The following CAST variants were observed in gnomAD, a reference collection of about 807,000 sequenced individuals.
CAST encodes calpastatin, also known as MIR583 host.
A neutral mutation model predicts 119.6 loss-of-function variants in CAST; 76 were observed. The observed-to-expected ratio is 0.64, with a 90% confidence interval of 0.53 to 0.77. The LOEUF (loss-of-function observed/expected upper bound fraction) is 0.77, where lower values mean the gene tolerates loss of function less well. Ranked by LOEUF, CAST falls within the 30% of genes least tolerant of loss-of-function variation. CAST has a pLI of 0.00. For missense variants in CAST, 953 were observed against 946.5 expected (o/e 1.01, Z -0.09); for synonymous variants, 319 against 331.6 (o/e 0.96, Z 0.41).
At chr5:96,742,822 G>C in intron 16 of CAST, 66 bp downstream of exon 16, 2 of 1,070,698 alleles carry the variant, frequency 1.9e-6, no homozygotes, top group African/African-American at 1.6e-5. Context: ...AATGCACTCT[G>C]CATGTTTAGA....
the CAST span, chr5:95,965,347 T>A: frequency 1.3e-5 from 2 of 152,206 alleles, no homozygotes; most frequent in Non-Finnish European, 2.9e-5. Context: ...ACTAAAAAAG[T>A]TTTAGGCCAA....
At chr5:96,553,065 C>T (rs570488650) in intron 1 of CAST, among the ~76,000 whole-genome samples, 4 of 152,272 alleles carry the variant, frequency 2.6e-5, no homozygotes, top group African/African-American at 9.6e-5. Flanking sequence ...TTTTATGAGG[C>T]CAGCATCATC....
At chr5:96,090,333 G>A in the CAST span, among the ~76,000 whole-genome samples, 1 of 152,124 alleles carries the variant, frequency 6.6e-6, no homozygotes, top group Non-Finnish European at 1.5e-5. Context: ...GTACCACAAA[G>A]CAAATAAACA....
rs147363163 is a variant in CAST, at chr5:96,732,627, A to G, written c.630+1767A>G. ...GCCTAGGTTTTCTTCTAGGGTTTTT[A>G]TGGTTTTAGGTCTAACGTCTGATCT... On this transcript the variant is annotated intron_variant, in intron 9 of 31. Coordinates refer to ENST00000675179, the MANE Select transcript of CAST (RefSeq NM_001750.7). 6.1e-3 allele frequency among the ~76,000 whole-genome samples: 931 copies of G among 152,086 alleles called. 10 individuals are homozygous for G. The highest frequency in any genetic ancestry group is 0.021 in the African/African-American group (881 of 41,448).
intron 1 of CAST, among the ~76,000 whole-genome samples, chr5:96,618,073 T>C (rs1747505523): frequency 6.6e-6 from 1 of 152,096 alleles, no homozygotes; most frequent in Admixed American, 6.6e-5. Context: ...GGAGCTTGGC[T>C]TAGAATGGGA....
At chr5:96,158,779 T>G in the CAST span, among the ~76,000 whole-genome samples, 3 of 152,170 alleles carry the variant, frequency 2.0e-5, no homozygotes, top group African/African-American at 7.2e-5. Flanking sequence ...CCATGAAAAA[T>G]TGATAAATGT....
the CAST span, among the ~76,000 whole-genome samples, chr5:95,980,145 C>CA: frequency 7.3e-5 from 11 of 151,472 alleles, no homozygotes; most frequent in Admixed American, 2.6e-4. Context: ...AAACAAACAG[C>CA]AAAAAAATAA....
the CAST span, among the ~76,000 whole-genome samples, chr5:96,168,263 C>T: frequency 3.3e-5 from 5 of 152,152 alleles, no homozygotes; most frequent in Admixed American, 6.5e-5. Context: ...TTGTCCTGAG[C>T]AATGGGATCT....
intron 1 of CAST, among the ~76,000 whole-genome samples, chr5:96,616,191 G>A (rs907256398): frequency 1.3e-4 from 20 of 152,168 alleles, no homozygotes; most frequent in African/African-American, 4.3e-4. Flanking sequence ...TCGATACTTT[G>A]CATCCTTCAA....
chr5:96,767,566 T>C, intron 28 of CAST, 84 bp downstream of exon 28: 3 of 937,408 alleles, frequency 3.2e-6, no homozygotes, highest in Non-Finnish European at 5.2e-6. Flanking sequence ...AACTAAAACA[T>C]ATTGAATGCC....
At chr5:96,321,484 A>C in the CAST span, among the ~76,000 whole-genome samples, 1 of 152,228 alleles carries the variant, frequency 6.6e-6, no homozygotes, top group Non-Finnish European at 1.5e-5. Context: ...AATAATTGGC[A>C]AAGTGTGTCT....
intron 31 of CAST, chr5:96,772,331 C>T (rs1772719770): frequency 6.5e-6 from 1 of 153,336 alleles, no homozygotes; most frequent in Non-Finnish European, 1.5e-5. Context: ...TTAATGTAAG[C>T]CTTAAAAGCA....
chr5:96,338,358 T>A, the CAST span, among the ~76,000 whole-genome samples: 2 of 152,232 alleles, frequency 1.3e-5, no homozygotes, highest in Non-Finnish European at 2.9e-5. Context: ...GCTTTCTTCA[T>A]ACTTTGCTTC....
At chr5:96,035,061 A>G in the CAST span, among the ~76,000 whole-genome samples, 1 of 76,906 alleles carries the variant, frequency 1.3e-5, no homozygotes, top group Non-Finnish European at 2.6e-5. Context: ...ATATATATAT[A>G]TATTTAAGTA....
chr5:96,188,803 A>G, the CAST span, among the ~76,000 whole-genome samples: 1 of 152,178 alleles, frequency 6.6e-6, no homozygotes, highest in Non-Finnish European at 1.5e-5. Context: ...GCTAGATTAT[A>G]CTTTCTTTTC....
intron 2 of CAST, among the ~76,000 whole-genome samples, chr5:96,686,538 G>T (rs1331638402): frequency 6.6e-6 from 1 of 152,134 alleles, no homozygotes; most frequent in African/African-American, 2.4e-5. Context: ...CAGAGGGATG[G>T]GGGCTGAGGC....
At chr5:96,213,015 C>A in the CAST span, among the ~76,000 whole-genome samples, 2 of 152,012 alleles carry the variant, frequency 1.3e-5, no homozygotes, top group East Asian at 3.8e-4. Flanking sequence ...GCTACTCCAG[C>A]GGCTGAGGCA....
chr5:96,604,783 T>A (rs1747221289), intron 1 of CAST, among the ~76,000 whole-genome samples: 1 of 152,248 alleles, frequency 6.6e-6, no homozygotes, highest in Non-Finnish European at 1.5e-5. Context: ...ATTTAGGTTC[T>A]GCTTTGTAGC....
At chr5:96,117,259 T>C in the CAST span, among the ~76,000 whole-genome samples, 2 of 152,232 alleles carry the variant, frequency 1.3e-5, no homozygotes, top group East Asian at 3.8e-4. Context: ...AGTTTAATAG[T>C]TTCTTATATT....
Sources: gnomAD v4.1 joint callset for allele counts (sites outside exome capture counted in the v4.1 genomes callset) on GRCh38, gnomAD v4.1.1 for gene constraint, MANE v1.5 for transcripts, NCBI Gene and HGNC (gene_info 2026-07-23, HGNC 2026-07-21) for gene names.